Variants in BCL7C observed in about 807,000 individuals in gnomAD.
BCL7C encodes the protein BAF chromatin remodeling complex subunit BCL7C, also known as B-cell CLL/lymphoma 7 protein family member C.
BCL7C carries 8 observed loss-of-function variants against 26.2 expected under a neutral mutation model. The ratio of observed to expected loss-of-function variants is 0.30; its 90% CI spans 0.18 to 0.55. The LOEUF (loss-of-function observed/expected upper bound fraction) is 0.55. Among genes scored for constraint, BCL7C ranks in the 20% least tolerant of loss-of-function variants. The pLI is 0.93. For synonymous variants in BCL7C, 90 were observed against 116.5 expected, an observed-to-expected ratio of 0.77 and a Z score of 1.47; for missense variants, 262 against 298.5, an observed-to-expected ratio of 0.88 and a Z score of 0.90.
intron 5 of BCL7C, 61 bp downstream of exon 5, chr16:30,888,799 G>T: frequency 1.3e-6 from 2 of 1,534,516 alleles, no homozygotes; most frequent in South Asian, 2.3e-5. Flanking sequence ...CCAAGCCTTC[G>T]ACTGCCCAGA....
intron 5 of BCL7C, among the ~76,000 whole-genome samples, chr16:30,847,898 A>C (rs1301379644): frequency 6.6e-6 from 1 of 152,032 alleles, no homozygotes; most frequent in East Asian, 1.9e-4. Flanking sequence ...ACACTAAAAT[A>C]ATTGCAGGAC....
intron 4 of BCL7C, among the ~76,000 whole-genome samples, chr16:30,891,233 C>A (rs984486946): frequency 6.7e-6 from 1 of 150,248 alleles, no homozygotes; most frequent in South Asian, 2.1e-4. Context: ...GAGGCCAAGG[C>A]GGGCAGATCA....
At chr16:30,879,007 T>G (rs2143073430) in intron 5 of BCL7C, among the ~76,000 whole-genome samples, 1 of 152,192 alleles carries the variant, frequency 6.6e-6, no homozygotes, top group South Asian at 2.1e-4. Context: ...GGAGCCCAGT[T>G]TAGAGTTTAA....
chr16:30,861,507 G>A (rs1037541229), intron 5 of BCL7C, among the ~76,000 whole-genome samples: 2 of 152,144 alleles, frequency 1.3e-5, no homozygotes, highest in Non-Finnish European at 2.9e-5. Flanking sequence ...TCCCATCTGT[G>A]TGGGATCCTA....
chr16:30,857,210 G>GA (rs2054730115), intron 5 of BCL7C, among the ~76,000 whole-genome samples: 1 of 151,750 alleles, frequency 6.6e-6, no homozygotes, highest in Non-Finnish European at 1.5e-5. Context: ...CCAACATGGT[G>GA]AAACCCCACC....
chr16:30,846,041 G>A (rs2054632544), intron 5 of BCL7C, among the ~76,000 whole-genome samples: 1 of 146,750 alleles, frequency 6.8e-6, no homozygotes, highest in South Asian at 2.3e-4. Context: ...GGAGGCAGAG[G>A]TTGTAGTGAG....
At chr16:30,870,107 G>T (rs1419351535) in intron 5 of BCL7C, among the ~76,000 whole-genome samples, 1 of 152,042 alleles carries the variant, frequency 6.6e-6, no homozygotes, top group African/African-American at 2.4e-5. Flanking sequence ...CAGTAAATGG[G>T]AGCCATTGTT....
intron 5 of BCL7C, among the ~76,000 whole-genome samples, chr16:30,844,753 T>A (rs1209609858): frequency 6.6e-6 from 1 of 152,212 alleles, no homozygotes; most frequent in African/African-American, 2.4e-5. Flanking sequence ...ATTCTGGCAC[T>A]ATGTCAGTTT....
rs1439833327 is a variant in BCL7C, at chr16:30,845,270, C to CA, written c.529-10123_529-10122insT. Reference sequence around the variant, plus strand: ...GTCTAGCTTTCTCCAGCACTGTGCTCTCACCAAGCGCACTTTATCTAACAG... The same window carrying CA: ...GTCTAGCTTTCTCCAGCACTGTGCTCATCACCAAGCGCACTTTATCTAACAG... On this transcript the variant is annotated intron_variant, in intron 5 of 5. Transcript: ENST00000380317. 7.9e-5 allele frequency among the ~76,000 whole-genome samples: 12 copies of CA among 152,338 alleles called. No homozygotes were observed. In the East Asian group the frequency reaches 2.3e-3, roughly 29 times the overall value.
intron 5 of BCL7C, among the ~76,000 whole-genome samples, chr16:30,853,445 T>C (rs1438995547): frequency 2.0e-5 from 3 of 152,108 alleles, no homozygotes; most frequent in African/African-American, 7.2e-5. Context: ...TGATAACACA[T>C]TCTTCTGGAA....
At chr16:30,868,745 A>G (rs1290737597) in intron 5 of BCL7C, among the ~76,000 whole-genome samples, 1 of 151,338 alleles carries the variant, frequency 6.6e-6, no homozygotes, top group African/African-American at 2.4e-5. Flanking sequence ...AGATTGCGCC[A>G]TTGCACTCCA....
At chr16:30,868,471 T>C (rs1222856066) in intron 5 of BCL7C, among the ~76,000 whole-genome samples, 1 of 150,104 alleles carries the variant, frequency 6.7e-6, no homozygotes, top group Non-Finnish European at 1.5e-5. Context: ...AAATTTGCTG[T>C]AATTTGTTAC....
rs749703437 is a variant in BCL7C at position 30,892,914 on chromosome 16, G to C, written c.206C>G (p.Ser69Cys). 31 of 1,612,982 alleles carry C rather than the reference G, an allele frequency of 1.9e-5. 1 individual carries two copies. The Middle Eastern group carries it at 6.6e-4, about 34-fold the overall frequency. Residue 69 changes from serine to cysteine, a missense_variant, in exon 3 of 6, where the codon TCC becomes TGC. Ser to Cys is a moderately radical substitution (Grantham distance 112). Transcript: ENST00000215115. ...CCTGCCCCGACGTTCCCGGCCACGG[G>C]ATCTCTCTGCCCCGCCACCTGCCCG... Reference protein sequence around the residue: ...RRRAGGGAERSRGRERRGRGA... With the variant: ...RRRAGGGAERCRGRERRGRGA...
At chr16:30,868,190 CGAT>C in intron 5 of BCL7C, among the ~76,000 whole-genome samples, 1 of 142,922 alleles carries the variant, frequency 7.0e-6, no homozygotes, top group South Asian at 2.2e-4. Context: ...TGCAGTGGTG[CGAT>C]CTCAGCTCAC....
chr16:30,844,686 C>T (rs2054623832), intron 5 of BCL7C, among the ~76,000 whole-genome samples: 1 of 152,200 alleles, frequency 6.6e-6, no homozygotes, highest in African/African-American at 2.4e-5. Context: ...GGGGCTTTCA[C>T]TTAGGCCTTC....
intron 5 of BCL7C, among the ~76,000 whole-genome samples, chr16:30,873,231 GTTGAT>G (rs1238133969): frequency 6.6e-6 from 1 of 151,430 alleles, no homozygotes; most frequent in Admixed American, 6.6e-5. Context: ...AGCTCAAGGA[GTTGAT>G]TTTGTTAAAA....
chr16:30,868,425 C>T (rs905839699), intron 5 of BCL7C, among the ~76,000 whole-genome samples: 6 of 148,360 alleles, frequency 4.0e-5, no homozygotes, highest in Non-Finnish European at 8.9e-5. Context: ...GCGTGAGTCA[C>T]CGCACCCCGC....
In BCL7C at chr16:30,892,604, G is replaced by C; in HGVS notation, c.424C>G (p.Arg142Gly). The C allele has an allele frequency of 6.3e-7, 1 of 1,580,810 alleles. No individual in the cohort carries two copies. The highest frequency in any genetic ancestry group is 8.6e-7 in the Non-Finnish European group (1 of 1,167,550). ...GTCCTACCTCTCTCTTGGCCCAGCC[G>C]TGGGGGCTGAGCCTCCTCAGGGACC... ...EGVPEEAQPP[R>G]LGQERDPGGI... Residue 142 changes from arginine to glycine, a missense_variant, in exon 4 of 6, where the codon CGG becomes GGG. Coordinates refer to ENST00000215115, the MANE Select transcript of BCL7C (RefSeq NM_004765.4).
intron 5 of BCL7C, among the ~76,000 whole-genome samples, chr16:30,874,726 G>C (rs937247126): frequency 1.3e-5 from 2 of 152,164 alleles, no homozygotes; most frequent in Non-Finnish European, 1.5e-5. Flanking sequence ...AGGAAGCTTG[G>C]GTTTCTATCC....
Sources: gnomAD v4.1 joint callset for allele counts (sites outside exome capture counted in the v4.1 genomes callset) on GRCh38, gnomAD v4.1.1 for gene constraint, MANE v1.5 for transcripts, NCBI Gene and HGNC (gene_info 2026-07-23, HGNC 2026-07-21) for gene names.